UTRN: variants seen among roughly 807,000 people sequenced by gnomAD.
UTRN encodes the protein dystrophin-related protein 1.
Under a neutral mutation model 463.9 loss-of-function variants are expected in UTRN, and 283 were observed. That is an observed-to-expected ratio of 0.61 (90% confidence interval 0.55 to 0.67). UTRN has a LOEUF of 0.67. Among genes scored for constraint, UTRN ranks in the 30% least tolerant of loss-of-function variants. The pLI is 0.00. For synonymous variants in UTRN, 1,442 were observed against 1,431.5 expected, an observed-to-expected ratio of 1.01 and a Z score of -0.17; for missense variants, 3,922 against 4,084.3, an observed-to-expected ratio of 0.96 and a Z score of 1.08.
intron 52 of UTRN, among the ~76,000 whole-genome samples, chr6:144,688,461 A>G (rs926405199): frequency 4.6e-5 from 7 of 152,168 alleles, no homozygotes; most frequent in African/African-American, 1.7e-4. Context: ...ATATTGCCAG[A>G]ATTATTTTTC....
chr6:144,370,151 G>C (rs530416609), intron 2 of UTRN, among the ~76,000 whole-genome samples: 76 of 152,304 alleles, frequency 5.0e-4, no homozygotes, highest in Middle Eastern at 3.4e-3. Context: ...CCAGGAAGAT[G>C]TTAATCCCCA....
At chr6:144,838,436 T>A (rs535939329) in intron 71 of UTRN, among the ~76,000 whole-genome samples, 2 of 152,210 alleles carry the variant, frequency 1.3e-5, no homozygotes, top group Non-Finnish European at 2.9e-5. Flanking sequence ...ATAGATTTAA[T>A]GGAAAAATCT....
rs746873780 is a variant in UTRN at position 144,462,693 on chromosome 6, C to T, written c.2893C>T (p.His965Tyr). The change falls in exon 23 of 75, where the codon CAT becomes TAT. Residue 965 changes from histidine to tyrosine, a missense_variant. Transcript: ENST00000367545. The stretch of plus-strand genomic sequence containing the variant: ...CCTTGAGAATCAGAAACCTGCATTA[C>T]ATAAACTTGCAGAAGAAACAAAGGC... Reference protein sequence around the residue: ...EILENQKPALHKLAEETKALE... With the variant: ...EILENQKPALYKLAEETKALE... 2.4e-5 allele frequency: 39 copies of T among 1,606,410 alleles called. No individual in the cohort carries two copies. The highest frequency in any genetic ancestry group is 3.1e-5 in the Non-Finnish European group (36 of 1,178,428).
At chr6:144,637,482 G>A (rs1329366973) in intron 51 of UTRN, among the ~76,000 whole-genome samples, 1 of 151,706 alleles carries the variant, frequency 6.6e-6, no homozygotes, top group Non-Finnish European at 1.5e-5. Flanking sequence ...TTTCTTGAAA[G>A]AGCAACTATA....
intron 23 of UTRN, among the ~76,000 whole-genome samples, chr6:144,470,506 T>C (rs1190632414): frequency 7.2e-6 from 1 of 138,310 alleles, no homozygotes; most frequent in African/African-American, 2.8e-5. Context: ...TCCCAGATGA[T>C]GGGCGGCCAG....
chr6:144,596,223 T>A (rs1440035073), intron 51 of UTRN, among the ~76,000 whole-genome samples: 1 of 152,020 alleles, frequency 6.6e-6, no homozygotes, highest in East Asian at 1.9e-4. Flanking sequence ...AAAGCTGGAG[T>A]GATTTCTAGA....
intron 3 of UTRN, among the ~76,000 whole-genome samples, chr6:144,411,725 A>AT (rs1176523683): frequency 6.6e-6 from 1 of 152,036 alleles, no homozygotes; most frequent in African/African-American, 2.4e-5. Context: ...ACTGTAAATC[A>AT]TTGCTCTGTA....
chr6:144,438,722 A>C, intron 11 of UTRN, 23 bp from the exon 12 acceptor site: 11 of 1,613,620 alleles, frequency 6.8e-6, no homozygotes, highest in Non-Finnish European at 9.3e-6. Flanking sequence ...TTGTAGGAAT[A>C]ATGCTGTGTT....
chr6:144,741,944 A>G (rs1790144064), intron 54 of UTRN, among the ~76,000 whole-genome samples: 1 of 152,018 alleles, frequency 6.6e-6, no homozygotes, highest in Admixed American at 6.6e-5. Flanking sequence ...CTCCCTCCAA[A>G]GCGTGTTTTG....
At chr6:144,576,973 C>A (rs1333342620) in intron 50 of UTRN, 126 bp from the exon 51 acceptor site, 1 of 774,554 alleles carries the variant, frequency 1.3e-6, no homozygotes, top group African/African-American at 1.7e-5. Context: ...CTCCCAGTTA[C>A]CTATGGTGAC....
chr6:144,394,675 T>C (rs1782240586), intron 2 of UTRN, among the ~76,000 whole-genome samples: 1 of 152,210 alleles, frequency 6.6e-6, no homozygotes, highest in Non-Finnish European at 1.5e-5. Flanking sequence ...TATATGCATC[T>C]GGAGAGATAT....
At position 144,383,097 on chromosome 6, in the gene UTRN, A is replaced by C. The variant is rs111427451; in HGVS notation, c.80-20026A>C. Among the ~76,000 whole-genome samples, 1,252 of 149,756 alleles carry C rather than the reference A, an allele frequency of 8.4e-3. 16 individuals are homozygous for C. The highest frequency in any genetic ancestry group is 0.029 in the African/African-American group (1,165 of 40,550). On this transcript the variant is annotated intron_variant, in intron 2 of 74. Transcript: ENST00000367545. ...CAGGCATATGCCACCACACCCAGCT[A>C]ATTTTTGTACTTTTTGTAGAGACAG...
At chr6:144,308,093 G>A (rs1275487679) in intron 2 of UTRN, among the ~76,000 whole-genome samples, 1 of 152,104 alleles carries the variant, frequency 6.6e-6, no homozygotes, top group African/African-American at 2.4e-5. Flanking sequence ...AACCTAATTG[G>A]TGAGATGTCA....
chr6:144,603,397 A>T (rs770106364), intron 51 of UTRN, among the ~76,000 whole-genome samples: 1 of 152,178 alleles, frequency 6.6e-6, no homozygotes, highest in Non-Finnish European at 1.5e-5. Context: ...GAGAACACTC[A>T]TCTCGCCATA....
intron 43 of UTRN, among the ~76,000 whole-genome samples, chr6:144,534,378 A>G (rs1005502812): frequency 3.3e-5 from 5 of 152,186 alleles, no homozygotes; most frequent in African/African-American, 1.2e-4. Flanking sequence ...TCTCATAGAA[A>G]GTAAGTGATC....
intron 1 of UTRN, 51 bp from the exon 2 acceptor site, chr6:144,291,686 A>G (rs1352249268): frequency 1.7e-6 from 1 of 575,988 alleles, no homozygotes; most frequent in African/African-American, 1.9e-5. Context: ...ATAACTATAT[A>G]AAATATATAA....
chr6:144,550,832 C>T (rs1475627879), intron 47 of UTRN, 133 bp from the exon 48 acceptor site: 1 of 594,036 alleles, frequency 1.7e-6, no homozygotes, highest in Non-Finnish European at 2.7e-6. Context: ...TCATTTTCTG[C>T]CACGTTGCTG....
intron 51 of UTRN, among the ~76,000 whole-genome samples, chr6:144,675,112 C>A (rs2328596): frequency 6.6e-6 from 1 of 152,136 alleles, no homozygotes; most frequent in African/African-American, 2.4e-5. Flanking sequence ...CTGGAACTCA[C>A]GGGCTACTGT....
chr6:144,530,494 A>G (rs1157362117), intron 41 of UTRN, among the ~76,000 whole-genome samples: 3 of 152,202 alleles, frequency 2.0e-5, no homozygotes, highest in African/African-American at 7.2e-5. Context: ...AGAGGGGTAT[A>G]CGGGCATTTT....
Sources: allele counts gnomAD v4.1 joint callset (sites outside exome capture counted in the v4.1 genomes callset), GRCh38; gene constraint gnomAD v4.1.1; transcripts MANE v1.5; gene names NCBI Gene and HGNC (gene_info 2026-07-23, HGNC 2026-07-21).